Variants in TRPM6 observed in about 807,000 individuals in gnomAD.
TRPM6 encodes channel kinase 2.
Under a neutral mutation model 247.6 loss-of-function variants are expected in TRPM6, and 111 were observed. The observed-to-expected ratio is 0.45, with a 90% CI of 0.38 to 0.52. The LOEUF (loss-of-function observed/expected upper bound fraction) is 0.52. Among genes scored for constraint, TRPM6 ranks in the 20% least tolerant of loss-of-function variants. The pLI, the probability that TRPM6 is intolerant of heterozygous loss-of-function variation, is 0.00. For missense variants in TRPM6, 2,126 were observed against 2,421.5 expected, an observed-to-expected ratio of 0.88 and a Z score of 2.56; for synonymous variants, 892 against 853.8, an observed-to-expected ratio of 1.04 and a Z score of -0.78.
At chr9:74,799,939 C>T (rs576457694) in intron 17 of TRPM6, 15 of 394,666 alleles carry the variant, frequency 3.8e-5, no homozygotes, top group Admixed American at 2.7e-4. Flanking sequence ...CCCCATTGAT[C>T]GCCAGGGTTG....
At chr9:74,854,547 G>C (rs1830462769) in intron 3 of TRPM6, among the ~76,000 whole-genome samples, 1 of 152,052 alleles carries the variant, frequency 6.6e-6, no homozygotes, top group Admixed American at 6.6e-5. Context: ...AAAAGTGAGA[G>C]GTCAGCCAAG....
intron 6 of TRPM6, among the ~76,000 whole-genome samples, chr9:74,830,499 G>A (rs540846271): frequency 2.0e-5 from 3 of 151,930 alleles, no homozygotes; most frequent in African/African-American, 4.8e-5. Flanking sequence ...GGGCTCGAGC[G>A]ATCCTCCCAC....
intron 3 of TRPM6, among the ~76,000 whole-genome samples, chr9:74,849,425 C>A (rs540043016): frequency 1.1e-4 from 17 of 151,110 alleles, no homozygotes; most frequent in African/African-American, 3.4e-4. Context: ...GAAATGATGT[C>A]CTTAGAAGAA....
At chr9:74,852,765 T>C (rs561764648) in intron 3 of TRPM6, among the ~76,000 whole-genome samples, 108 of 152,332 alleles carry the variant, frequency 7.1e-4, no homozygotes, top group African/African-American at 2.5e-3. Flanking sequence ...GGTGCCGGGA[T>C]TGCAGACGGA....
At chr9:74,804,780 C>G in intron 14 of TRPM6, 1 of 701,394 alleles carries the variant, frequency 1.4e-6, no homozygotes, top group South Asian at 1.5e-5. Context: ...TTAAGCTGCC[C>G]TTGCACGGGC....
intron 31 of TRPM6, among the ~76,000 whole-genome samples, chr9:74,745,450 TGTGTGTGTGTGC>T (rs1826009094): frequency 1.3e-5 from 2 of 150,752 alleles, no homozygotes; most frequent in South Asian, 4.2e-4. Context: ...TAGTATAGTG[TGTGTGTGTGTGC>T]GTGTGTGTGT....
chr9:74,854,118 C>G (rs1309568264), intron 3 of TRPM6, among the ~76,000 whole-genome samples: 1 of 152,116 alleles, frequency 6.6e-6, no homozygotes, highest in Non-Finnish European at 1.5e-5. Flanking sequence ...ATGAGTGAGA[C>G]TAGGAGAGAC....
chr9:74,777,867 CATT>C, intron 23 of TRPM6, among the ~76,000 whole-genome samples: 1 of 152,296 alleles, frequency 6.6e-6, no homozygotes, highest in African/African-American at 2.4e-5. Context: ...TGCAGTCGTG[CATT>C]TAGTTTTCTT....
chr9:74,870,533 A>T, intron 1 of TRPM6, among the ~76,000 whole-genome samples: 1 of 152,208 alleles, frequency 6.6e-6, no homozygotes, highest in Non-Finnish European at 1.5e-5. Flanking sequence ...AACTAGAGAA[A>T]TCTTGTTCTC....
At position 74,762,724 on chromosome 9, in the gene TRPM6, T is replaced by C. The variant is rs756285396; in HGVS notation, c.3947A>G (p.Asp1316Gly). The change falls in exon 26 of 39, where the codon GAC becomes GGC. Residue 1316 changes from aspartate to glycine, a missense_variant. By Grantham distance (94) the Asp-to-Gly change is moderately conservative. Transcript: ENST00000360774. ...ACTTTGTGTTTCTTGCCTTTCCTGGTCATTTCTTACATTTGTAGCCTCTCT... is the reference window on the plus strand; with the variant it reads ...ACTTTGTGTTTCTTGCCTTTCCTGGCCATTTCTTACATTTGTAGCCTCTCT... ...SKREATNVRN[D>G]QERQETQSSI... 1.2e-6 allele frequency: 2 copies of C among 1,614,154 alleles called. No individual in the cohort carries two copies.
chr9:74,788,811 A>G, intron 19 of TRPM6, 69 bp from the exon 20 acceptor site: 2 of 1,583,550 alleles, frequency 1.3e-6, no homozygotes, highest in East Asian at 2.3e-5. Flanking sequence ...GGAGACGCAG[A>G]TGGAGCAGAA....
At chr9:74,786,149 T>C (rs767880331) in intron 20 of TRPM6, 24 bp from the exon 21 acceptor site, 4 of 1,613,684 alleles carry the variant, frequency 2.5e-6, no homozygotes, top group Non-Finnish European at 1.7e-6. Flanking sequence ...GAAGGAAACT[T>C]TAAAAAGGAG....
At chr9:74,852,507 T>C (rs868551674) in intron 3 of TRPM6, among the ~76,000 whole-genome samples, 1 of 147,010 alleles carries the variant, frequency 6.8e-6, no homozygotes, top group African/African-American at 2.5e-5. Context: ...ATGGTCTCCC[T>C]CTCCCCCTCT....
chr9:74,845,699 G>A (rs1830088113), intron 3 of TRPM6, among the ~76,000 whole-genome samples: 1 of 151,914 alleles, frequency 6.6e-6, no homozygotes, highest in Non-Finnish European at 1.5e-5. Context: ...CCTGTGTGGT[G>A]GAGCAAGTCT....
intron 1 of TRPM6, among the ~76,000 whole-genome samples, chr9:74,860,095 T>A (rs892886793): frequency 6.6e-6 from 1 of 152,196 alleles, no homozygotes; most frequent in Non-Finnish European, 1.5e-5. Context: ...CAGACTTTTT[T>A]AAGTAAAATA....
intron 24 of TRPM6, among the ~76,000 whole-genome samples, chr9:74,772,732 G>A (rs1475769151): frequency 1.3e-5 from 2 of 152,152 alleles, no homozygotes; most frequent in Admixed American, 1.3e-4. Flanking sequence ...TGATGGCAGG[G>A]CATGGTGGCT....
intron 23 of TRPM6, among the ~76,000 whole-genome samples, chr9:74,781,195 A>G (rs2118918223): frequency 6.6e-6 from 1 of 152,168 alleles, no homozygotes; most frequent in South Asian, 2.1e-4. Flanking sequence ...GGTTGGGGAG[A>G]AGATGATCCA....
chr9:74,805,358 C>T (rs963593379), intron 14 of TRPM6, among the ~76,000 whole-genome samples: 2 of 152,146 alleles, frequency 1.3e-5, no homozygotes, highest in African/African-American at 4.8e-5. Context: ...TGAGGGAGAA[C>T]GTTTACCACT....
intron 37 of TRPM6, among the ~76,000 whole-genome samples, chr9:74,730,947 C>T (rs1825499650): frequency 1.3e-5 from 2 of 151,920 alleles, no homozygotes; most frequent in Admixed American, 1.3e-4. Flanking sequence ...ATAAAGTTGC[C>T]CTAAGACAGA....
Sources: allele counts gnomAD v4.1 joint callset (sites outside exome capture counted in the v4.1 genomes callset), GRCh38; gene constraint gnomAD v4.1.1; transcripts MANE v1.5; gene names NCBI Gene and HGNC (gene_info 2026-07-23, HGNC 2026-07-21).